Variants in PIAS1 observed in about 807,000 individuals in gnomAD.
PIAS1 encodes the protein protein inhibitor of activated STAT 1.
In PIAS1, 6 loss-of-function variants were observed where a neutral mutation model predicts 71.3. The observed-to-expected ratio is 0.08, with a 90% CI of 0.05 to 0.17. The LOEUF (loss-of-function observed/expected upper bound fraction) is 0.17. Among genes scored for constraint, PIAS1 ranks in the 10% least tolerant of loss-of-function variants. PIAS1 has a pLI of 1.00. For missense variants in PIAS1, 555 were observed against 793.6 expected, an observed-to-expected ratio of 0.70 and a Z score of 3.61; for synonymous variants, 303 against 292.9, an observed-to-expected ratio of 1.03 and a Z score of -0.35.
chr15:68,099,595 G>A (rs1319237615), intron 2 of PIAS1, among the ~76,000 whole-genome samples: 3 of 151,708 alleles, frequency 2.0e-5, no homozygotes, highest in African/African-American at 7.3e-5. Flanking sequence ...TGCTTGTATG[G>A]ACATAAGTTT....
chr15:68,076,837 T>C (rs1282060228), intron 1 of PIAS1, among the ~76,000 whole-genome samples: 1 of 152,142 alleles, frequency 6.6e-6, no homozygotes, highest in Non-Finnish European at 1.5e-5. Context: ...GCATAGGGGA[T>C]ATGGAGATGA....
At position 68,115,396 on chromosome 15, in the gene PIAS1, C is replaced by T. The variant is rs146294026; in HGVS notation, c.470-26550C>T. On this transcript the variant is annotated intron_variant, in intron 2 of 13. Transcript: ENST00000249636. ...TGTTTGCTGTTATTATATGGAAATA[C>T]GACTGGTTTTTGTATAGCATCTTCA... Among the ~76,000 whole-genome samples, 629 of 152,032 alleles carry T rather than the reference C, an allele frequency of 4.1e-3. 10 individuals are homozygous for T. Among genetic ancestry groups the T allele is most frequent in the African/African-American group, 0.015 (608 of 41,492 alleles).
At chr15:68,074,647 G>A (rs2092137885) in intron 1 of PIAS1, among the ~76,000 whole-genome samples, 1 of 152,080 alleles carries the variant, frequency 6.6e-6, no homozygotes, top group South Asian at 2.1e-4. Context: ...GTCCACAAAA[G>A]ATAAAAGACT....
intron 7 of PIAS1, among the ~76,000 whole-genome samples, chr15:68,163,236 G>A (rs558890944): frequency 1.3e-5 from 2 of 152,302 alleles, no homozygotes; most frequent in African/African-American, 2.4e-5. Context: ...AGAAAGGATT[G>A]ACTAAGATTT....
chr15:68,079,099 A>G (rs1457637431), intron 1 of PIAS1, among the ~76,000 whole-genome samples: 1 of 151,794 alleles, frequency 6.6e-6, no homozygotes, highest in Non-Finnish European at 1.5e-5. Flanking sequence ...GTAATTTGGT[A>G]AATTAGTGGC....
In PIAS1 at chr15:68,152,592, C is replaced by T. The variant is rs560770649; in HGVS notation, c.829-998C>T. ...GCCCTTCACTTAGAAAAATACCTAT[C>T]CTACCTGTGTCTTAATAGGCCTTGT... On this transcript the variant is annotated intron_variant, in intron 6 of 13. Coordinates refer to ENST00000249636, the MANE Select transcript of PIAS1 (RefSeq NM_016166.3). Among the ~76,000 whole-genome samples, 159 of 152,284 alleles carry T rather than the reference C, an allele frequency of 1.0e-3. 2 individuals are homozygous for T. The highest frequency in any genetic ancestry group is 3.8e-3 in the African/African-American group (156 of 41,548).
intron 2 of PIAS1, among the ~76,000 whole-genome samples, chr15:68,101,777 C>T (rs572021391): frequency 6.6e-6 from 1 of 152,232 alleles, no homozygotes; most frequent in East Asian, 1.9e-4. Context: ...ACTTTTTTGA[C>T]TTGCTCTGTC....
rs1013842170 is a variant in PIAS1 at position 68,193,671 on chromosome 15, T to G, written c.*5836T>G. The G allele has an allele frequency of 5.8e-5, 13 of 225,596 alleles. No individual in the cohort carries two copies. The highest frequency in any genetic ancestry group is 2.3e-4 in the African/African-American group (10 of 44,110). The allele number at this position is 225,596 out of a possible 1,614,324, so 14.0% of individuals were successfully genotyped here. The stretch of plus-strand genomic sequence containing the variant: ...GTAAGAAGTGGGAATCCAGCTTGTG[T>G]GGGGGGGCTTTGAGGAGTGAAATGA... On this transcript the variant is annotated 3_prime_UTR_variant, in exon 14 of 14. Transcript: ENST00000249636.
rs965094873 is a variant in PIAS1, at chr15:68,188,995, A to G, written c.*1160A>G. 3 of 152,250 alleles carry G rather than the reference A, an allele frequency of 2.0e-5. No homozygotes were observed. Among genetic ancestry groups the G allele is most frequent in the Non-Finnish European group, 4.4e-5 (3 of 68,046 alleles). 9.4% of individuals were successfully genotyped at this position (152,250 alleles called of 1,614,324 possible). A position where few individuals can be genotyped will look rare whatever the true frequency, so the allele number is the denominator to read the frequency against. On this transcript the variant is annotated 3_prime_UTR_variant, in exon 14 of 14. Coordinates refer to ENST00000249636, the MANE Select transcript of PIAS1 (RefSeq NM_016166.3). ...AAGTCTACTATTTGATAAACAGTTG[A>G]AATTCAAGATGTGTTTGACCCTTAG...
At chr15:68,056,355 GGATA>G (rs1315866671) in intron 1 of PIAS1, among the ~76,000 whole-genome samples, 2 of 152,142 alleles carry the variant, frequency 1.3e-5, no homozygotes, top group Non-Finnish European at 2.9e-5. Context: ...GTGCCTTTGG[GGATA>G]GATCAGATCC....
chr15:68,182,474 CTTA>C (rs2093060453), intron 12 of PIAS1, among the ~76,000 whole-genome samples: 1 of 92,506 alleles, frequency 1.1e-5, no homozygotes, highest in African/African-American at 4.2e-5. Context: ...GAGTTTTGCT[CTTA>C]TTGCTCAGGC....
At chr15:68,097,186 G>A (rs895350942) in intron 2 of PIAS1, among the ~76,000 whole-genome samples, 3 of 151,960 alleles carry the variant, frequency 2.0e-5, no homozygotes, top group Non-Finnish European at 4.4e-5. Flanking sequence ...TTCTGTTAAT[G>A]TGGTGTATTA....
intron 2 of PIAS1, among the ~76,000 whole-genome samples, chr15:68,099,477 A>G (rs2092405177): frequency 6.6e-6 from 1 of 151,870 alleles, no homozygotes; most frequent in Admixed American, 6.6e-5. Flanking sequence ...GATTCATGGT[A>G]TGGATATATC....
At position 68,135,543 on chromosome 15, in the gene PIAS1, G is replaced by C. The variant is rs1411898405; in HGVS notation, c.470-6403G>C. Among the ~76,000 whole-genome samples the C allele has an allele frequency of 2.1e-3, 93 of 44,166 alleles. 37 individuals are homozygous for C. Among genetic ancestry groups the C allele is most frequent in the Non-Finnish European group, 3.5e-3 (42 of 11,902 alleles). The allele number at this position is 44,166 out of a possible 152,430, so 29.0% of individuals were successfully genotyped here. A position where few individuals can be genotyped will look rare whatever the true frequency, so the allele number is the denominator to read the frequency against. ...ACGGGGCGGCTGGCCGGGCAGAGGGGCTCCTCACTTCCCAGTAGGGGTGAA... is the reference window on the plus strand; with the variant it reads ...ACGGGGCGGCTGGCCGGGCAGAGGGCCTCCTCACTTCCCAGTAGGGGTGAA... On this transcript the variant is annotated intron_variant, in intron 2 of 13. Coordinates refer to ENST00000249636, the MANE Select transcript of PIAS1 (RefSeq NM_016166.3).
chr15:68,103,893 T>G (rs2092448953), intron 2 of PIAS1, among the ~76,000 whole-genome samples: 1 of 152,238 alleles, frequency 6.6e-6, no homozygotes, highest in Non-Finnish European at 1.5e-5. Flanking sequence ...TTGGCTAATA[T>G]GAATATTCGT....
At chr15:68,148,774 T>A (rs1211242097) in intron 6 of PIAS1, among the ~76,000 whole-genome samples, 1 of 152,226 alleles carries the variant, frequency 6.6e-6, no homozygotes, top group Non-Finnish European at 1.5e-5. Flanking sequence ...TATTTCTTTT[T>A]AGAAAAGATC....
chr15:68,124,690 G>C (rs370257817), intron 2 of PIAS1, among the ~76,000 whole-genome samples: 1 of 151,868 alleles, frequency 6.6e-6, no homozygotes, highest in Non-Finnish European at 1.5e-5. Context: ...ACTGCACTCC[G>C]GCCTGAGCAA....
intron 1 of PIAS1, among the ~76,000 whole-genome samples, chr15:68,071,307 C>T (rs1018514772): frequency 1.0e-4 from 15 of 144,120 alleles, no homozygotes; most frequent in African/African-American, 3.9e-4. Flanking sequence ...CACTCTGTCG[C>T]CCAGGTTTAA....
intron 2 of PIAS1, among the ~76,000 whole-genome samples, chr15:68,130,643 A>C (rs753100500): frequency 6.6e-6 from 1 of 151,134 alleles, no homozygotes; most frequent in South Asian, 2.1e-4. Flanking sequence ...CCAAAGAGGA[A>C]TACAAAGAAA....
Sources: gnomAD v4.1 joint callset for allele counts (sites outside exome capture counted in the v4.1 genomes callset) on GRCh38, gnomAD v4.1.1 for gene constraint, MANE v1.5 for transcripts, NCBI Gene and HGNC (gene_info 2026-07-23, HGNC 2026-07-21) for gene names.